MTMR10: variants seen among roughly 807,000 people sequenced by gnomAD.
The protein encoded by MTMR10 is myotubularin related protein 10.
A neutral mutation model predicts 88.1 loss-of-function variants in MTMR10; 56 were observed. That is an observed-to-expected ratio of 0.64 (90% CI 0.51 to 0.79). The LOEUF (loss-of-function observed/expected upper bound fraction) is 0.79. MTMR10 is among the 30% of genes least tolerant of loss of function. MTMR10 has a pLI of 0.00. For synonymous variants in MTMR10, 380 were observed against 340.9 expected, an observed-to-expected ratio of 1.11 and a Z score of -1.26; for missense variants, 883 against 924.7, an observed-to-expected ratio of 0.95 and a Z score of 0.58.
intron 2 of MTMR10, among the ~76,000 whole-genome samples, chr15:30,979,505 G>A (rs1320205407): frequency 1.3e-5 from 2 of 152,072 alleles, no homozygotes; most frequent in Non-Finnish European, 1.5e-5. Flanking sequence ...TTGAACCCAG[G>A]AGGTGGAGGT....
At chr15:30,953,277 TGTG>T (rs1285824421) in intron 11 of MTMR10, among the ~76,000 whole-genome samples, 2 of 152,196 alleles carry the variant, frequency 1.3e-5, no homozygotes, top group Non-Finnish European at 2.9e-5. Flanking sequence ...TGTATCTCCC[TGTG>T]GTGGTGGTTA....
the MTMR10 span, chr15:30,925,143 C>T: frequency 2.5e-6 from 4 of 1,613,912 alleles, no homozygotes; most frequent in Admixed American, 5.0e-5. Context: ...AAGTGCATCA[C>T]AGAGGGGCTG....
downstream of MTMR10, among the ~76,000 whole-genome samples, chr15:30,935,505 A>T (rs2062828503): frequency 6.6e-6 from 1 of 151,850 alleles, no homozygotes; most frequent in Non-Finnish European, 1.5e-5. Flanking sequence ...ACAGCATAAC[A>T]ACTATTTTCA....
intron 12 of MTMR10, chr15:30,950,324 A>G (rs944112239): frequency 6.6e-6 from 1 of 152,130 alleles, no homozygotes; most frequent in African/African-American, 2.4e-5. Context: ...TAAGAGTCTT[A>G]AAGATTTTTG....
chr15:30,960,371 C>T lies in MTMR10; in HGVS notation c.758+510G>A, dbSNP rs114246383. On this transcript the variant is annotated intron_variant, in intron 7 of 15. Transcript: ENST00000435680. Reference sequence around the variant, plus strand: ...TTGCCAAAAGTACTGAACCTGAATCCGATTAAGCCTCTGTTGCTAACATTT... The same window carrying T: ...TTGCCAAAAGTACTGAACCTGAATCTGATTAAGCCTCTGTTGCTAACATTT... 1.5e-3 allele frequency among the ~76,000 whole-genome samples: 229 copies of T among 152,250 alleles called. 2 individuals carry two copies. The highest frequency in any genetic ancestry group is 5.2e-3 in the African/African-American group (218 of 41,526).
At chr15:30,942,803 T>C in intron 15 of MTMR10, 87 bp downstream of exon 15, 1 of 1,329,152 alleles carries the variant, frequency 7.5e-7, no homozygotes, top group Non-Finnish European at 1.0e-6. Flanking sequence ...CTCTTGGAAG[T>C]GCCTTTACTT....
chr15:30,938,497 C>G (rs1161057934), downstream of MTMR10, among the ~76,000 whole-genome samples: 1 of 152,074 alleles, frequency 6.6e-6, no homozygotes, highest in African/African-American at 2.4e-5. Context: ...TGGGACCATC[C>G]CTAATAACTA....
chr15:30,938,458 A>C (rs1595894250), downstream of MTMR10, among the ~76,000 whole-genome samples: 2 of 152,144 alleles, frequency 1.3e-5, no homozygotes, highest in African/African-American at 4.8e-5. Context: ...TCTTTATCAG[A>C]GGCAGTTGTC....
intron 14 of MTMR10, among the ~76,000 whole-genome samples, chr15:30,944,614 A>G (rs1048483033): frequency 3.3e-5 from 5 of 152,064 alleles, no homozygotes; most frequent in Admixed American, 1.3e-4. Flanking sequence ...CATCATGTAC[A>G]TGGATTAAAA....
In MTMR10 at chr15:30,954,886, T is replaced by C; in HGVS notation, c.943A>G (p.Asn315Asp). The change falls in exon 10 of 16, where the codon AAT (asparagine) becomes GAT (aspartate). Residue 315 changes from asparagine to aspartate, a missense_variant. Transcript: ENST00000435680. ...TGTGGGTGACTTTTAGTTATTGCATTACAAATCCTAATAAAGACAAAAATA... is the reference window on the plus strand; with the variant it reads ...TGTGGGTGACTTTTAGTTATTGCATCACAAATCCTAATAAAGACAAAAATA... ...QQRKIDQRICNAITKSHPQRS... is the reference protein window; with the variant it reads ...QQRKIDQRICDAITKSHPQRS... 6 of 1,545,910 alleles carry C rather than the reference T, an allele frequency of 3.9e-6. No homozygotes were observed. The highest frequency in any genetic ancestry group is 5.2e-6 in the Non-Finnish European group (6 of 1,145,042).
chr15:30,922,225 G>A, the MTMR10 span: 1 of 1,600,722 alleles, frequency 6.2e-7, no homozygotes, highest in Non-Finnish European at 8.5e-7. Flanking sequence ...CTTTGTTATT[G>A]TTGCAATAGG....
intron 2 of MTMR10, among the ~76,000 whole-genome samples, chr15:30,988,459 A>G (rs2031096479): frequency 6.6e-6 from 1 of 152,210 alleles, no homozygotes. Flanking sequence ...TGGGCAACTA[A>G]AAGGTTCAGA....
chr15:30,942,780 A>G, intron 15 of MTMR10, 110 bp downstream of exon 15: 1 of 1,140,524 alleles, frequency 8.8e-7, no homozygotes, highest in South Asian at 1.8e-5. Flanking sequence ...AGAAACCCGC[A>G]TTAGCAGTGT....
intron 6 of MTMR10, among the ~76,000 whole-genome samples, chr15:30,965,519 C>T (rs1159674521): frequency 6.6e-6 from 1 of 152,096 alleles, no homozygotes; most frequent in Non-Finnish European, 1.5e-5. Flanking sequence ...ACTTTTTTGA[C>T]GTTATTTGCC....
At chr15:30,964,965 A>G (rs2063455816) in intron 6 of MTMR10, among the ~76,000 whole-genome samples, 1 of 152,226 alleles carries the variant, frequency 6.6e-6, no homozygotes. Context: ...CTCTGATGAT[A>G]CTGCAGAAAT....
At chr15:30,990,605 A>G (rs541981372) in intron 2 of MTMR10, among the ~76,000 whole-genome samples, 172 bp downstream of exon 2, 15 of 152,366 alleles carry the variant, frequency 9.8e-5, no homozygotes, top group African/African-American at 3.4e-4. Flanking sequence ...AAAAAAGGAA[A>G]TGAGGTAATG....
At chr15:30,944,836 C>T (rs1231294656) in intron 14 of MTMR10, among the ~76,000 whole-genome samples, 1 of 151,496 alleles carries the variant, frequency 6.6e-6, no homozygotes, top group African/African-American at 2.4e-5. Flanking sequence ...CATGGCGAAA[C>T]CCTGACTCTA....
intron 1 of MTMR10, 87 bp downstream of exon 1, chr15:30,991,360 T>C (rs1030795856): frequency 3.1e-6 from 4 of 1,298,984 alleles, no homozygotes; most frequent in Admixed American, 3.1e-5. Context: ...CGCAGCCTCC[T>C]GGGGTCCTCC....
chr15:30,934,429 T>C (rs2062798087), downstream of MTMR10, among the ~76,000 whole-genome samples: 1 of 152,212 alleles, frequency 6.6e-6, no homozygotes, highest in African/African-American at 2.4e-5. Context: ...ATTATTGATA[T>C]CCTTAGCTTT....
Sources: allele counts gnomAD v4.1 joint callset (sites outside exome capture counted in the v4.1 genomes callset), GRCh38; gene constraint gnomAD v4.1.1; transcripts MANE v1.5; gene names NCBI Gene and HGNC (gene_info 2026-07-23, HGNC 2026-07-21).